The following CSMD3 variants were observed in gnomAD, a reference collection of about 807,000 sequenced individuals.
CSMD3 encodes the protein CUB and Sushi multiple domains 3.
A neutral mutation model predicts 435.2 loss-of-function variants in CSMD3; 177 were observed. The observed-to-expected ratio is 0.41, with a 90% CI of 0.36 to 0.46. The LOEUF (loss-of-function observed/expected upper bound fraction) is 0.46. CSMD3 is among the 20% of genes least tolerant of loss of function. The pLI, the probability that CSMD3 is intolerant of heterozygous loss-of-function variation, is 0.34. For missense variants in CSMD3, 4,265 were observed against 4,504.6 expected (o/e 0.95, Z 1.52); for synonymous variants, 1,656 against 1,520.5 (o/e 1.09, Z -2.07).
At chr8:112,754,782 C>G (rs2077651655) in intron 13 of CSMD3, among the ~76,000 whole-genome samples, 1 of 152,124 alleles carries the variant, frequency 6.6e-6, no homozygotes, top group Non-Finnish European at 1.5e-5. Flanking sequence ...CTGTCTGTCC[C>G]GTTGAGGAAT....
chr8:112,308,223 T>C (rs1821628197), intron 50 of CSMD3, among the ~76,000 whole-genome samples: 1 of 152,138 alleles, frequency 6.6e-6, no homozygotes, highest in South Asian at 2.1e-4. Context: ...ATGTTTATAT[T>C]TTCACTTAGA....
At chr8:112,400,605 T>A (rs1482844808) in intron 35 of CSMD3, among the ~76,000 whole-genome samples, 1 of 151,730 alleles carries the variant, frequency 6.6e-6, no homozygotes, top group Non-Finnish European at 1.5e-5. Flanking sequence ...AGGAAGTGAG[T>A]TCTGGCTGAA....
chr8:112,940,143 A>G (rs776305477), intron 9 of CSMD3, among the ~76,000 whole-genome samples: 1 of 151,986 alleles, frequency 6.6e-6, no homozygotes, highest in Non-Finnish European at 1.5e-5. Context: ...TGGTTGATTT[A>G]CATTATGATA....
At chr8:112,777,865 C>CT (rs2078283897) in intron 13 of CSMD3, among the ~76,000 whole-genome samples, 1 of 151,438 alleles carries the variant, frequency 6.6e-6, no homozygotes, top group African/African-American at 2.4e-5. Context: ...TGCCCTGATA[C>CT]TTTTTTTTAA....
At chr8:113,335,537 CTTTTTTTTTT>C (rs1222360431) in intron 1 of CSMD3, among the ~76,000 whole-genome samples, 3 of 29,706 alleles carry the variant, frequency 1.0e-4, no homozygotes, top group Non-Finnish European at 1.7e-4. Context: ...CCTCCTCCTT[CTTTTTTTTTT>C]TTTTTTTTTT....
chr8:113,334,010 A>G (rs2094048801), intron 1 of CSMD3, among the ~76,000 whole-genome samples: 1 of 151,852 alleles, frequency 6.6e-6, no homozygotes, highest in Admixed American at 6.6e-5. Flanking sequence ...TTTAATCCTA[A>G]GTATTTTATA....
At chr8:113,302,221 T>A (rs1303446909) in intron 2 of CSMD3, among the ~76,000 whole-genome samples, 1 of 72,506 alleles carries the variant, frequency 1.4e-5, no homozygotes, top group African/African-American at 3.9e-5. Flanking sequence ...CCTGTATATA[T>A]AATATAATAT....
chr8:113,376,257 T>A (rs2094382030), intron 1 of CSMD3, among the ~76,000 whole-genome samples: 2 of 152,174 alleles, frequency 1.3e-5, no homozygotes, highest in Non-Finnish European at 2.9e-5. Context: ...GGCATAAAAG[T>A]TATTTGATTG....
chr8:112,382,289 T>C (rs1029654638), intron 37 of CSMD3, among the ~76,000 whole-genome samples: 2 of 63,810 alleles, frequency 3.1e-5, no homozygotes, highest in African/African-American at 8.5e-5. Context: ...GTCTCTAAAA[T>C]GCAAAAAAAA....
chr8:113,025,331 G>A (rs1446476941), intron 5 of CSMD3, among the ~76,000 whole-genome samples: 1 of 152,104 alleles, frequency 6.6e-6, no homozygotes, highest in African/African-American at 2.4e-5. Context: ...TTGATTCTGG[G>A]TAGAAGCAGG....
intron 38 of CSMD3, among the ~76,000 whole-genome samples, chr8:112,365,410 G>A (rs1030826560): frequency 6.8e-6 from 1 of 148,028 alleles, no homozygotes; most frequent in Non-Finnish European, 1.5e-5. Context: ...TTTATACAAG[G>A]AGACTTCAAA....
At chr8:112,251,731 T>C (rs1159760821) in intron 63 of CSMD3, among the ~76,000 whole-genome samples, 3 of 151,746 alleles carry the variant, frequency 2.0e-5, no homozygotes, top group African/African-American at 7.2e-5. Flanking sequence ...ATATTTATAA[T>C]AACTTTATGT....
In CSMD3 at chr8:112,899,877, C is replaced by T. The variant is rs181741067; in HGVS notation, c.1633+21750G>A. Among the ~76,000 whole-genome samples, 1,114 of 149,250 alleles carry T rather than the reference C, an allele frequency of 7.5e-3. 5 individuals carry two copies. Among genetic ancestry groups the T allele is most frequent in the Admixed American group, 0.011 (160 of 14,890 alleles). On this transcript the variant is annotated intron_variant, in intron 10 of 70. Coordinates refer to ENST00000297405, the MANE Select transcript of CSMD3 (RefSeq NM_198123.2). ...CAGAGAGAGAGAGACTTATATATAT[C>T]TTCTGATTAGTTTTGTCGCTTAACA... is the stretch of plus-strand genomic sequence containing the variant.
At position 112,241,789 on chromosome 8, in the gene CSMD3, T is replaced by C; in HGVS notation, c.10403-4A>G. The C allele has an allele frequency of 1.2e-6, 2 of 1,608,396 alleles. No homozygotes were observed. Among genetic ancestry groups the C allele is most frequent in the South Asian group, 1.1e-5 (1 of 90,978 alleles). On this transcript the variant is annotated splice_region_variant and splice_polypyrimidine_tract_variant and intron_variant, in intron 65 of 70. Transcript: ENST00000297405. ...TTCACCAATATTTTAGAACCAGCTA[T>C]GAAAAGAAATAAAGGTGTTTACAAA...
chr8:113,374,792 G>A (rs1229190175), intron 1 of CSMD3, among the ~76,000 whole-genome samples: 1 of 132,866 alleles, frequency 7.5e-6, no homozygotes, highest in African/African-American at 3.0e-5. Context: ...TGTGTACACT[G>A]CCATATGCAC....
chr8:113,101,834 G>A (rs1040332068), intron 4 of CSMD3, among the ~76,000 whole-genome samples: 14 of 151,888 alleles, frequency 9.2e-5, no homozygotes, highest in Non-Finnish European at 1.9e-4. Flanking sequence ...TGGTGAAATA[G>A]GTAAACTTTT....
At chr8:113,281,900 G>A (rs2093615461) in intron 2 of CSMD3, among the ~76,000 whole-genome samples, 1 of 151,778 alleles carries the variant, frequency 6.6e-6, no homozygotes, top group African/African-American at 2.4e-5. Context: ...GCATTTGTTT[G>A]TCTGAAAAAG....
chr8:113,023,113 G>A (rs1400905732), intron 5 of CSMD3, among the ~76,000 whole-genome samples: 4 of 151,470 alleles, frequency 2.6e-5, no homozygotes, highest in East Asian at 1.9e-4. Flanking sequence ...ATGTTAAACC[G>A]CTTTTATTAT....
chr8:112,624,826 A>G (rs553600616), intron 22 of CSMD3, among the ~76,000 whole-genome samples: 1 of 152,152 alleles, frequency 6.6e-6, no homozygotes, highest in South Asian at 2.1e-4. Context: ...TGATTTCCAT[A>G]TCTAGGGCAC....
Sources: gnomAD v4.1 joint callset for allele counts (sites outside exome capture counted in the v4.1 genomes callset) on GRCh38, gnomAD v4.1.1 for gene constraint, MANE v1.5 for transcripts, NCBI Gene and HGNC (gene_info 2026-07-23, HGNC 2026-07-21) for gene names.